AK5: variants seen among roughly 807,000 people sequenced by gnomAD.
AK5 encodes the protein adenylate kinase isoenzyme 5.
In AK5, 27 loss-of-function variants were observed where a neutral mutation model predicts 69.5. That is an observed-to-expected ratio of 0.39 (90% CI 0.29 to 0.54). AK5 has a LOEUF of 0.54. AK5 is among the 20% of genes least tolerant of loss of function. AK5 has a pLI of 0.71. For synonymous variants in AK5, 260 were observed against 244.4 expected, an observed-to-expected ratio of 1.06 and a Z score of -0.60; for missense variants, 531 against 700.4, an observed-to-expected ratio of 0.76 and a Z score of 2.73.
At chr1:77,363,700 G>T (rs149795013) in intron 6 of AK5, among the ~76,000 whole-genome samples, 106 of 152,180 alleles carry the variant, frequency 7.0e-4, no homozygotes, top group African/African-American at 2.5e-3. Flanking sequence ...AGGGCCTTTT[G>T]CTGTTTCCCT....
intron 13 of AK5, among the ~76,000 whole-genome samples, chr1:77,539,029 TA>T (rs1464832307): frequency 6.6e-6 from 1 of 152,376 alleles, no homozygotes; most frequent in East Asian, 1.9e-4. Flanking sequence ...TATTTATGTT[TA>T]GAAAACAGAA....
intron 6 of AK5, among the ~76,000 whole-genome samples, chr1:77,367,703 A>ATATATATGT (rs1203692259): frequency 3.1e-4 from 13 of 42,566 alleles, no homozygotes; most frequent in East Asian, 9.1e-4. Flanking sequence ...GTTATATGTT[A>ATATATATGT]TATATATGTT....
chr1:77,360,067 T>G lies in AK5; in HGVS notation c.891+19499T>G, dbSNP rs72944755. ...AGCAGTCAGCACAAAGAGAGGGAAA[T>G]GGATTTTCTTAGGGGCCAGCCCATA... On this transcript the variant is annotated intron_variant, in intron 6 of 13. Transcript: ENST00000354567. 8.6e-3 allele frequency among the ~76,000 whole-genome samples: 1,301 copies of G among 152,160 alleles called. 24 individuals are homozygous for G. Among genetic ancestry groups the G allele is most frequent in the African/African-American group, 0.03 (1,250 of 41,506 alleles).
chr1:77,367,877 A>ATTATATATCACATATGTTATATATATTAT (rs369372295), intron 6 of AK5, among the ~76,000 whole-genome samples: 1 of 14,210 alleles, frequency 7.0e-5, no homozygotes, highest in African/African-American at 2.3e-4. Context: ...TGTGATATAT[A>ATTATATATCACATATGTTATATATATTAT]ATATAAAATA....
At chr1:77,504,072 T>G (rs1360660126) in intron 10 of AK5, among the ~76,000 whole-genome samples, 1 of 152,228 alleles carries the variant, frequency 6.6e-6, no homozygotes, top group Non-Finnish European at 1.5e-5. Context: ...CAGCTTTTTC[T>G]GTTGTAAATT....
At chr1:77,444,149 T>TTC (rs369228737) in intron 8 of AK5, among the ~76,000 whole-genome samples, 2 of 141,364 alleles carry the variant, frequency 1.4e-5, no homozygotes, top group African/African-American at 2.8e-5. Flanking sequence ...TGCTATTTTA[T>TTC]TCTCTCTCTC....
chr1:77,507,049 A>G (rs570620223), intron 10 of AK5, among the ~76,000 whole-genome samples: 52 of 152,312 alleles, frequency 3.4e-4, no homozygotes, highest in African/African-American at 1.2e-3. Flanking sequence ...TAAGGTTGCC[A>G]GATTTAACAA....
chr1:77,469,917 T>A (rs1654361513), intron 8 of AK5, among the ~76,000 whole-genome samples: 1 of 152,212 alleles, frequency 6.6e-6, no homozygotes. Flanking sequence ...AGTGACACTG[T>A]AGGAGGCAAG....
At chr1:77,557,680 CT>C (rs1660179944) in intron 13 of AK5, among the ~76,000 whole-genome samples, 1 of 152,168 alleles carries the variant, frequency 6.6e-6, no homozygotes, top group South Asian at 2.1e-4. Flanking sequence ...AATCTCTCCC[CT>C]ATTCCCAAAT....
intron 8 of AK5, among the ~76,000 whole-genome samples, chr1:77,474,980 C>A (rs1654754904): frequency 6.6e-6 from 1 of 151,440 alleles, no homozygotes; most frequent in African/African-American, 2.4e-5. Context: ...TTTTTAACTT[C>A]TTTGTACAGA....
chr1:77,397,125 A>T (rs1486954353), intron 6 of AK5, among the ~76,000 whole-genome samples: 1 of 152,220 alleles, frequency 6.6e-6, no homozygotes, highest in Non-Finnish European at 1.5e-5. Flanking sequence ...CCAAGATTTT[A>T]AGGCAGAGGC....
In AK5 at chr1:77,367,604, A is replaced by G. The variant is rs1457001551; in HGVS notation, c.891+27036A>G. Reference sequence around the variant, plus strand: ...AATATATATGTTATATATGTAATATATATGTAATATATATGTTATATATGT... The same window carrying G: ...AATATATATGTTATATATGTAATATGTATGTAATATATATGTTATATATGT... On this transcript the variant is annotated intron_variant, in intron 6 of 13. Transcript: ENST00000354567. Among the ~76,000 whole-genome samples the G allele has an allele frequency of 2.2e-5, 2 of 92,866 alleles. 1 individual carries two copies. Among genetic ancestry groups the G allele is most frequent in the Non-Finnish European group, 4.0e-5 (2 of 50,538 alleles). 60.9% of individuals were successfully genotyped at this position (92,866 alleles called of 152,430 possible). A position where few individuals can be genotyped will look rare whatever the true frequency, so the allele number is the denominator to read the frequency against.
intron 11 of AK5, among the ~76,000 whole-genome samples, chr1:77,521,166 G>A (rs2647493): frequency 0.19 from 28,800 of 150,120 alleles, 3,029 homozygotes; most frequent in African/African-American, 0.23. Flanking sequence ...ACACAGTCTC[G>A]CTCGTCACCC....
At chr1:77,537,832 G>A (rs1659053493) in intron 13 of AK5, among the ~76,000 whole-genome samples, 1 of 152,342 alleles carries the variant, frequency 6.6e-6, no homozygotes, top group South Asian at 2.1e-4. Context: ...TATGTGGCAT[G>A]AGAGACATAA....
At chr1:77,455,387 T>C (rs1653414168) in intron 8 of AK5, among the ~76,000 whole-genome samples, 2 of 152,188 alleles carry the variant, frequency 1.3e-5, no homozygotes, top group African/African-American at 4.8e-5. Context: ...GCAAGCTGCC[T>C]TGCCCATCCC....
chr1:77,429,106 G>A (rs1233442355), intron 8 of AK5, among the ~76,000 whole-genome samples: 1 of 151,990 alleles, frequency 6.6e-6, no homozygotes. Flanking sequence ...TAATCCTTTG[G>A]GTATATACCC....
At position 77,421,373 on chromosome 1, in the gene AK5, C is replaced by A. The variant is rs980707995; in HGVS notation, c.1059+3658C>A. On this transcript the variant is annotated intron_variant, in intron 8 of 13. Transcript: ENST00000354567. ...GGATTCAAAAGGTAGAGCTAGGATT[C>A]AAATCCAGCTGTGTGACTCCAGAGC... Among the ~76,000 whole-genome samples, 4 of 152,238 alleles carry A rather than the reference C, an allele frequency of 2.6e-5. No homozygotes were observed. In the East Asian group the frequency reaches 7.7e-4, roughly 29 times the overall value.
chr1:77,392,214 A>T (rs59977708), intron 6 of AK5, among the ~76,000 whole-genome samples: 14,921 of 152,294 alleles, frequency 0.098, 881 homozygotes, highest in East Asian at 0.2. Context: ...ATTACAAGGC[A>T]TGAGATTAAA....
chr1:77,346,301 G>A (rs552178528), intron 6 of AK5: 1 of 152,284 alleles, frequency 6.6e-6, no homozygotes. Context: ...AATAGTAAAA[G>A]TTAATTTAGA....
Sources: gnomAD v4.1 joint callset for allele counts (sites outside exome capture counted in the v4.1 genomes callset) on GRCh38, gnomAD v4.1.1 for gene constraint, MANE v1.5 for transcripts, NCBI Gene and HGNC (gene_info 2026-07-23, HGNC 2026-07-21) for gene names.